SNX18: variants seen among roughly 807,000 people sequenced by gnomAD.
The protein encoded by SNX18 is sorting nexin-18.
Under a neutral mutation model 48.7 loss-of-function variants are expected in SNX18, and 35 were observed. That is an observed-to-expected ratio of 0.72 (90% CI 0.55 to 0.95). SNX18 has a LOEUF of 0.95. SNX18 is among the 40% of genes least tolerant of loss of function. SNX18 has a pLI of 0.00. For missense variants in SNX18, 824 were observed against 871.0 expected, an observed-to-expected ratio of 0.95 and a Z score of 0.68; for synonymous variants, 492 against 384.7, an observed-to-expected ratio of 1.28 and a Z score of -3.26.
the SNX18 span, among the ~76,000 whole-genome samples, chr5:54,556,316 G>A: frequency 2.0e-5 from 3 of 152,108 alleles, no homozygotes; most frequent in South Asian, 4.1e-4. Flanking sequence ...TCAAGGCATC[G>A]GCCGGGCTGC....
the SNX18 span, among the ~76,000 whole-genome samples, chr5:54,648,005 A>T: frequency 6.6e-6 from 1 of 151,482 alleles, no homozygotes; most frequent in Non-Finnish European, 1.5e-5. Context: ...TGACTTCAAA[A>T]ATGAAACCAC....
the SNX18 span, among the ~76,000 whole-genome samples, chr5:54,625,765 T>C: frequency 6.6e-6 from 1 of 152,146 alleles, no homozygotes; most frequent in African/African-American, 2.4e-5. Flanking sequence ...CTGACTGCAG[T>C]CATTGGCTCA....
chr5:54,554,163 T>C, the SNX18 span, among the ~76,000 whole-genome samples: 1 of 152,216 alleles, frequency 6.6e-6, no homozygotes, highest in Admixed American at 6.5e-5. Context: ...CCATTGTTTG[T>C]CTTCTAAACA....
the SNX18 span, among the ~76,000 whole-genome samples, chr5:54,586,846 C>G: frequency 6.6e-6 from 1 of 152,016 alleles, no homozygotes; most frequent in Non-Finnish European, 1.5e-5. Flanking sequence ...TGGAAGGAGC[C>G]CATGATACAG....
At chr5:54,635,542 T>C in the SNX18 span, among the ~76,000 whole-genome samples, 8 of 152,204 alleles carry the variant, frequency 5.3e-5, no homozygotes, top group African/African-American at 1.9e-4. Flanking sequence ...CCTTGTTTTA[T>C]TTTATTAAAG....
At position 54,519,165 on chromosome 5, in the gene SNX18, G is replaced by T. The variant is rs199557419; in HGVS notation, c.1213G>T (p.Ala405Ser). 6.2e-7 allele frequency: 1 copy of T among 1,613,556 alleles called. No individual in the cohort carries two copies. Among genetic ancestry groups the T allele is most frequent in the East Asian group, 2.2e-5 (1 of 44,878 alleles). Residue 405 changes from alanine (A) to serine (S), a missense_variant, in exon 1 of 2, where the codon GCC (alanine) becomes TCC (serine). Ala to Ser is a moderately conservative substitution (Grantham distance 99). This residue lies in a region of SNX18 where 443 missense variants were observed against 503.6 expected (regional missense o/e 0.88). Transcript: ENST00000381410. ...RKAEKDEMVG[A>S]NFFLTLSTPP... is the part of the protein sequence containing the mutation. ...GGCCGAGAAGGACGAGATGGTGGGC[G>T]CCAACTTCTTCCTGACCCTTAGCAC...
Position 54,518,654 on chromosome 5 carries a change from C to G in SNX18, c.702C>G (p.Thr234=). 4 of 1,558,160 alleles carry G rather than the reference C, an allele frequency of 2.6e-6. No homozygotes were observed. The highest frequency in any genetic ancestry group is 3.5e-6 in the Non-Finnish European group (4 of 1,153,538). Residue 234 remains threonine, a synonymous_variant, in exon 1 of 2, where the codon ACC becomes ACG. Transcript: ENST00000381410. ...TVSRNLNRFS[T]FVKSGGEAFV... ...GCCGCAACCTCAATCGCTTCTCCAC[C>G]TTCGTCAAGTCCGGCGGGGAGGCCT...
At chr5:54,605,292 C>A in the SNX18 span, among the ~76,000 whole-genome samples, 2 of 152,054 alleles carry the variant, frequency 1.3e-5, no homozygotes, top group African/African-American at 4.8e-5. Context: ...CATAGACATT[C>A]ATGGGGAGGA....
chr5:54,524,332 C>T, intron 1 of SNX18, among the ~76,000 whole-genome samples: 1 of 152,152 alleles, frequency 6.6e-6, no homozygotes. Flanking sequence ...AGCCACATAG[C>T]CTTCAGAGTC....
chr5:54,558,367 T>C, the SNX18 span, among the ~76,000 whole-genome samples: 1 of 152,208 alleles, frequency 6.6e-6, no homozygotes, highest in Non-Finnish European at 1.5e-5. Context: ...TTTTCCTCCT[T>C]CCCTCCCTCT....
At chr5:54,641,946 A>G in the SNX18 span, among the ~76,000 whole-genome samples, 1 of 152,164 alleles carries the variant, frequency 6.6e-6, no homozygotes, top group East Asian at 1.9e-4. Context: ...CCTTAGATCT[A>G]CTTAACTAAA....
At chr5:54,615,575 C>T in the SNX18 span, among the ~76,000 whole-genome samples, 1 of 152,214 alleles carries the variant, frequency 6.6e-6, no homozygotes, top group South Asian at 2.1e-4. Flanking sequence ...TGCATTGTAT[C>T]ACAATGTGTG....
At chr5:54,568,139 C>T in the SNX18 span, among the ~76,000 whole-genome samples, 1 of 152,146 alleles carries the variant, frequency 6.6e-6, no homozygotes, top group Non-Finnish European at 1.5e-5. Context: ...TCGCTTCTCC[C>T]CACTTTCCCT....
the SNX18 span, among the ~76,000 whole-genome samples, chr5:54,605,494 C>T: frequency 2.6e-5 from 4 of 152,256 alleles, no homozygotes; most frequent in Admixed American, 2.0e-4. Flanking sequence ...AAATTTTGCT[C>T]AGATTACTGA....
intron 1 of SNX18, among the ~76,000 whole-genome samples, chr5:54,532,307 CT>C (rs35717409): frequency 0.14 from 19,216 of 136,774 alleles, 1,443 homozygotes; most frequent in Middle Eastern, 0.27. Context: ...TCTATTGTTG[CT>C]TTTTTTTTTT....
chr5:54,537,829 C>T (rs1345998121), intron 1 of SNX18, among the ~76,000 whole-genome samples: 1 of 152,180 alleles, frequency 6.6e-6, no homozygotes, highest in East Asian at 1.9e-4. Flanking sequence ...TTCATTTACA[C>T]TCCTCGGGTT....
chr5:54,586,568 G>A, the SNX18 span, among the ~76,000 whole-genome samples: 4 of 152,296 alleles, frequency 2.6e-5, no homozygotes, highest in African/African-American at 4.8e-5. Context: ...TGCAAGACAC[G>A]GATTAAATCA....
At chr5:54,616,576 T>C in the SNX18 span, among the ~76,000 whole-genome samples, 3 of 152,144 alleles carry the variant, frequency 2.0e-5, no homozygotes, top group Admixed American at 1.3e-4. Context: ...AGTTCGAGAC[T>C]GGCCAATATG....
At chr5:54,639,722 T>A in the SNX18 span, among the ~76,000 whole-genome samples, 1 of 152,152 alleles carries the variant, frequency 6.6e-6, no homozygotes, top group African/African-American at 2.4e-5. Context: ...GGGACAAGCT[T>A]TGTCTTGAAG....
Sources: allele counts gnomAD v4.1 joint callset (sites outside exome capture counted in the v4.1 genomes callset), GRCh38; gene constraint gnomAD v4.1.1; regional missense constraint gnomAD v4.1.1; transcripts MANE v1.5; gene names NCBI Gene and HGNC (gene_info 2026-07-23, HGNC 2026-07-21).